OR5AS1: variants seen among roughly 807,000 people sequenced by gnomAD.
The protein encoded by OR5AS1 is olfactory receptor family 5 subfamily AS member 1.
For synonymous variants in OR5AS1, 196 were observed against 141.7 expected (o/e 1.38, Z -2.72); for missense variants, 492 against 378.2 (o/e 1.30, Z -2.50).
In OR5AS1 at chr11:56,037,376, G is replaced by T. The variant is rs899065538; in HGVS notation, c.*5983G>T. ...TATTTAGAAAACCCCATCGTCTCAG[G>T]CCAAAATCTCCTTAAGCTGATAAGC... is the stretch of plus-strand genomic sequence containing the variant. On this transcript the variant is annotated 3_prime_UTR_variant, in exon 2 of 2. Coordinates refer to ENST00000641320, the MANE Select transcript of OR5AS1 (RefSeq NM_001001921.2). The T allele has an allele frequency of 1.3e-5, 2 of 151,898 alleles. No individual in the cohort carries two copies. Among genetic ancestry groups the T allele is most frequent in the African/African-American group, 4.8e-5 (2 of 41,292 alleles). 9.4% of individuals were successfully genotyped at this position (151,898 alleles called of 1,614,324 possible).
At position 56,030,699 on chromosome 11, in the gene OR5AS1, C is replaced by T. The variant is rs1169335997; in HGVS notation, c.281C>T (p.Pro94Leu). Residue 94 changes from proline (P) to leucine (L), a missense_variant, in exon 2 of 2, where the codon CCT becomes CTT. Pro to Leu is a moderately conservative substitution (Grantham distance 98). Transcript: ENST00000641320. ...NFLASRKSIS[P>L]YGCALQMFFF... The stretch of plus-strand genomic sequence containing the variant: ...TTGGCATCCAGGAAAAGCATCTCTC[C>T]TTATGGGTGTGCACTACAAATGTTT... The T allele has an allele frequency of 3.1e-6, 5 of 1,607,448 alleles. No individual in the cohort carries two copies. The highest frequency in any genetic ancestry group is 1.7e-5 in the Admixed American group (1 of 59,648).
rs61889983 is a variant in OR5AS1 at position 56,033,628 on chromosome 11, A to G, written c.*2235A>G. ...TAAAAAAAAGGCAGCAGCCCCAGTT[A>G]GGGGCCTAGAGATAAAACCCCCATC... On this transcript the variant is annotated 3_prime_UTR_variant, in exon 2 of 2. Transcript: ENST00000641320. 9,181 of 152,352 alleles carry G rather than the reference A, an allele frequency of 0.06. 383 individuals carry two copies. The highest frequency in any genetic ancestry group is 0.084 in the Non-Finnish European group (5,740 of 68,170). The allele number at this position is 152,352 out of a possible 1,614,324, so 9.4% of individuals were successfully genotyped here. A position where few individuals can be genotyped will look rare whatever the true frequency, so the allele number is the denominator to read the frequency against.
In OR5AS1 at chr11:56,031,258, T is replaced by C. The variant is rs896557608; in HGVS notation, c.840T>C (p.Val280=). 3 of 1,613,796 alleles carry C rather than the reference T, an allele frequency of 1.9e-6. No individual in the cohort carries two copies. The highest frequency in any genetic ancestry group is 2.2e-5 in the East Asian group (1 of 44,864). ...AGGTGGTGGCAGTGTTTTATACTGT[T>C]GTATTTCCCATGTTTAATCCAATAA... The part of the protein sequence containing the change: ...TDKVVAVFYT[V]VFPMFNPIIY... Residue 280 remains valine, a synonymous_variant, in exon 2 of 2, where the codon GTT becomes GTC. Transcript: ENST00000641320.
rs1350355444 is a variant in OR5AS1 at position 56,035,624 on chromosome 11, C to T, written c.*4231C>T. The stretch of plus-strand genomic sequence containing the variant: ...TATATATGTACCCAATACAAGAGCA[C>T]CCAAATTCATAAAGCCAGTTCTTAG... On this transcript the variant is annotated 3_prime_UTR_variant, in exon 2 of 2. Coordinates refer to ENST00000641320, the MANE Select transcript of OR5AS1 (RefSeq NM_001001921.2). 4 of 151,968 alleles carry T rather than the reference C, an allele frequency of 2.6e-5. No individual in the cohort carries two copies. The highest frequency in any genetic ancestry group is 6.6e-5 in the Admixed American group (1 of 15,254). 9.4% of individuals were successfully genotyped at this position (151,968 alleles called of 1,614,324 possible).
Position 56,032,444 on chromosome 11 carries a change from C to T in OR5AS1, c.*1051C>T, listed in dbSNP as rs923909405. Reference sequence around the variant, plus strand: ...TTTTTTGTGGTTTATTCTGATCTTTCAGTCTGAAGTCTCTATTTACTTTTT... The same window carrying T: ...TTTTTTGTGGTTTATTCTGATCTTTTAGTCTGAAGTCTCTATTTACTTTTT... On this transcript the variant is annotated 3_prime_UTR_variant, in exon 2 of 2. Coordinates refer to ENST00000641320, the MANE Select transcript of OR5AS1 (RefSeq NM_001001921.2). The T allele has an allele frequency of 3.3e-5, 5 of 152,162 alleles. No individual in the cohort carries two copies. The highest frequency in any genetic ancestry group is 4.8e-5 in the African/African-American group (2 of 41,486). The allele number at this position is 152,162 out of a possible 1,614,324, so 9.4% of individuals were successfully genotyped here.
chr11:56,030,331 TA>T (rs776485981), intron 1 of OR5AS1, 59 bp from the exon 2 acceptor site: 11 of 710,704 alleles, frequency 1.5e-5, no homozygotes, highest in Non-Finnish European at 1.9e-5. Flanking sequence ...GAAGAGAGAA[TA>T]AAGATACTTT....
In OR5AS1 at chr11:56,030,807, T is replaced by G; in HGVS notation, c.389T>G (p.Leu130Arg). The G allele has an allele frequency of 6.2e-7, 1 of 1,614,096 alleles. No individual in the cohort carries two copies. The highest frequency in any genetic ancestry group is 1.1e-5 in the South Asian group (1 of 91,088). The part of the protein sequence containing the change: ...YDRYAAICNP[L>R]LYTTLMSRRV... ...CGCTATGCAGCCATCTGCAACCCAC[T>G]GCTCTATACTACACTGATGTCTAGG... Residue 130 changes from leucine to arginine, a missense_variant, in exon 2 of 2, where the codon CTG becomes CGG. Transcript: ENST00000641320.
Position 56,037,650 on chromosome 11 carries a change from A to G in OR5AS1, c.*6257A>G, listed in dbSNP as rs1305218865. The G allele has an allele frequency of 6.6e-6, 1 of 151,834 alleles. No homozygotes were observed. The highest frequency in any genetic ancestry group is 1.5e-5 in the Non-Finnish European group (1 of 67,992). 9.4% of individuals were successfully genotyped at this position (151,834 alleles called of 1,614,324 possible). On this transcript the variant is annotated 3_prime_UTR_variant, in exon 2 of 2. Transcript: ENST00000641320. ...GGAAAAACATTCCATGCTCATGGATATGAAGAATCAATATCATGAAAATGG... is the reference window on the plus strand; with the variant it reads ...GGAAAAACATTCCATGCTCATGGATGTGAAGAATCAATATCATGAAAATGG...
Position 56,030,492 on chromosome 11 carries a change from T to G in OR5AS1, c.74T>G (p.Val25Gly). ...TTCACAGATTATCTACCTCTCAGAGTCACACTGTTCTTGGTATTCCTTCTG... is the reference window on the plus strand; with the variant it reads ...TTCACAGATTATCTACCTCTCAGAGGCACACTGTTCTTGGTATTCCTTCTG... ...VGFTDYLPLR[V>G]TLFLVFLLVY... Residue 25 changes from valine (V) to glycine (G), a missense_variant, in exon 2 of 2, where the codon GTC becomes GGC. Transcript: ENST00000641320. 2 of 1,523,122 alleles carry G rather than the reference T, an allele frequency of 1.3e-6. No homozygotes were observed. The highest frequency in any genetic ancestry group is 1.8e-6 in the Non-Finnish European group (2 of 1,132,680). 94.4% of individuals were successfully genotyped at this position (1,523,122 alleles called of 1,614,324 possible).
rs1468729535 is a variant in OR5AS1 at position 56,035,200 on chromosome 11, C to T, written c.*3807C>T. 1 of 152,122 alleles carries T rather than the reference C, an allele frequency of 6.6e-6. No individual in the cohort carries two copies. Among genetic ancestry groups the T allele is most frequent in the Non-Finnish European group, 1.5e-5 (1 of 68,046 alleles). 9.4% of individuals were successfully genotyped at this position (152,122 alleles called of 1,614,324 possible). On this transcript the variant is annotated 3_prime_UTR_variant, in exon 2 of 2. Coordinates refer to ENST00000641320, the MANE Select transcript of OR5AS1 (RefSeq NM_001001921.2). ...AAAGAACATTGACACTACGAAGAAA[C>T]CACATCAGCTAATGGGCAAAATAAC...
At position 56,036,910 on chromosome 11, in the gene OR5AS1, C is replaced by A. The variant is rs1853411451; in HGVS notation, c.*5517C>A. ...CTGAATTCAGCGGCACATCAAAAAG[C>A]TTATCCACCAATCAAATTGGCTTTA... On this transcript the variant is annotated 3_prime_UTR_variant, in exon 2 of 2. Transcript: ENST00000641320. 6.6e-6 allele frequency: 1 copy of A among 152,038 alleles called. No individual in the cohort carries two copies. Among genetic ancestry groups the A allele is most frequent in the African/African-American group, 2.4e-5 (1 of 41,366 alleles). 9.4% of individuals were successfully genotyped at this position (152,038 alleles called of 1,614,324 possible).
At chr11:56,027,841 A>T (rs1188402447) in intron 1 of OR5AS1, 129 bp downstream of exon 1, 1 of 150,594 alleles carries the variant, frequency 6.6e-6, no homozygotes, top group Non-Finnish European at 1.5e-5. Flanking sequence ...GGTGTGTTTC[A>T]GTTTGTGTAT....
Position 56,031,305 on chromosome 11 carries a change from A to G in OR5AS1, c.887A>G (p.Asp296Gly). ...ATAATTTATAGTTTCAGAAACAAGG[A>G]TGTGAAAAATGCTCTCAAAAAGCTA... ...NPIIYSFRNK[D>G]VKNALKKLLE... Residue 296 changes from aspartate (D) to glycine (G), a missense_variant, in exon 2 of 2, where the codon GAT (aspartate) becomes GGT (glycine). By Grantham distance (94) the Asp-to-Gly change is moderately conservative (BLOSUM62 -1). Coordinates refer to ENST00000641320, the MANE Select transcript of OR5AS1 (RefSeq NM_001001921.2). 6.2e-7 allele frequency: 1 copy of G among 1,606,296 alleles called. No homozygotes were observed. Among genetic ancestry groups the G allele is most frequent in the Non-Finnish European group, 8.5e-7 (1 of 1,176,356 alleles).
In OR5AS1 at chr11:56,030,681, C is replaced by T. The variant is rs1853338287; in HGVS notation, c.263C>T (p.Ser88Phe). The change falls in exon 2 of 2, where the codon TCC becomes TTC. Residue 88 changes from serine (S) to phenylalanine (F), a missense_variant. Physicochemically the swap from Ser to Phe is radical, Grantham distance 155. Transcript: ENST00000641320. ...AAAATGCTGGCAAACTTCTTGGCAT[C>T]CAGGAAAAGCATCTCTCCTTATGGG... The part of the protein sequence containing the change: ...TPKMLANFLA[S>F]RKSISPYGCA... 9 of 1,591,846 alleles carry T rather than the reference C, an allele frequency of 5.7e-6. No homozygotes were observed. Among genetic ancestry groups the T allele is most frequent in the Non-Finnish European group, 7.7e-6 (9 of 1,167,060 alleles).
Position 56,030,685 on chromosome 11 carries a change from G to T in OR5AS1, c.267G>T (p.Arg89Ser). The T allele has an allele frequency of 1.3e-6, 2 of 1,593,906 alleles. No homozygotes were observed. Among genetic ancestry groups the T allele is most frequent in the Non-Finnish European group, 1.7e-6 (2 of 1,168,076 alleles). ...TGCTGGCAAACTTCTTGGCATCCAGGAAAAGCATCTCTCCTTATGGGTGTG... is the reference window on the plus strand; with the variant it reads ...TGCTGGCAAACTTCTTGGCATCCAGTAAAAGCATCTCTCCTTATGGGTGTG... ...PKMLANFLAS[R>S]KSISPYGCAL... Residue 89 changes from arginine to serine, a missense_variant, in exon 2 of 2, where the codon AGG becomes AGT. Arg to Ser is a moderately radical substitution (Grantham distance 110). Transcript: ENST00000641320.
At position 56,030,737 on chromosome 11, in the gene OR5AS1, T is replaced by C; in HGVS notation, c.319T>C (p.Phe107Leu). Residue 107 changes from phenylalanine (F) to leucine (L), a missense_variant, in exon 2 of 2, where the codon TTT becomes CTT. Transcript: ENST00000641320. Reference sequence around the variant, plus strand: ...ACTACAAATGTTTTTCTTCGCTTCTTTTGCTGATGCTGAGTGCCTTATCCT... The same window carrying C: ...ACTACAAATGTTTTTCTTCGCTTCTCTTGCTGATGCTGAGTGCCTTATCCT... ...CALQMFFFAS[F>L]ADAECLILAA... 6.2e-7 allele frequency: 1 copy of C among 1,612,502 alleles called. No individual in the cohort carries two copies. Among genetic ancestry groups the C allele is most frequent in the Non-Finnish European group, 8.5e-7 (1 of 1,178,892 alleles).
Position 56,030,524 on chromosome 11 carries a change from A to T in OR5AS1, c.106A>T (p.Thr36Ser). The change falls in exon 2 of 2, where the codon ACA becomes TCA. Residue 36 changes from threonine to serine, a missense_variant. Thr to Ser is a moderately conservative substitution (Grantham distance 58, BLOSUM62 1). Coordinates refer to ENST00000641320, the MANE Select transcript of OR5AS1 (RefSeq NM_001001921.2). Reference sequence around the variant, plus strand: ...GTTCTTGGTATTCCTTCTGGTATATACATTAACTATGGTCGGAAATATACT... The same window carrying T: ...GTTCTTGGTATTCCTTCTGGTATATTCATTAACTATGGTCGGAAATATACT... ...TLFLVFLLVY[T>S]LTMVGNILLI... 6.4e-7 allele frequency: 1 copy of T among 1,554,078 alleles called. No homozygotes were observed. Among genetic ancestry groups the T allele is most frequent in the Non-Finnish European group, 8.7e-7 (1 of 1,146,914 alleles).
rs775842242 is a variant in OR5AS1, at chr11:56,030,782, C to A, written c.364C>A (p.Arg122Ser). Residue 122 changes from arginine to serine, a missense_variant, in exon 2 of 2, where the codon CGC becomes AGC. By Grantham distance (110) the Arg-to-Ser change is moderately radical (BLOSUM62 -1). Coordinates refer to ENST00000641320, the MANE Select transcript of OR5AS1 (RefSeq NM_001001921.2). ...TATCCTGGCAGCAATGGCTTATGAC[C>A]GCTATGCAGCCATCTGCAACCCACT... is the stretch of plus-strand genomic sequence containing the variant. The part of the protein sequence containing the change: ...CLILAAMAYD[R>S]YAAICNPLLY... 8 of 1,613,848 alleles carry A rather than the reference C, an allele frequency of 5.0e-6. No homozygotes were observed. The highest frequency in any genetic ancestry group is 1.3e-5 in the African/African-American group (1 of 74,856).
rs903808433 is a variant in OR5AS1 at position 56,033,842 on chromosome 11, C to T, written c.*2449C>T. 6.6e-6 allele frequency: 1 copy of T among 152,182 alleles called. No homozygotes were observed. Among genetic ancestry groups the T allele is most frequent in the African/African-American group, 2.4e-5 (1 of 41,358 alleles). The allele number at this position is 152,182 out of a possible 1,614,324, so 9.4% of individuals were successfully genotyped here. On this transcript the variant is annotated 3_prime_UTR_variant, in exon 2 of 2. Transcript: ENST00000641320. ...TGACTCTTGACTGGGAGACACCTTC[C>T]AGTAGGGGTTGACAGATACCTCATA...
Sources: allele counts gnomAD v4.1 joint callset, GRCh38; gene constraint gnomAD v4.1.1; transcripts MANE v1.5; gene names NCBI Gene and HGNC (gene_info 2026-07-23, HGNC 2026-07-21).